Variants in NLRP14 observed in about 807,000 individuals in gnomAD.
NLRP14 encodes NLR family pyrin domain containing 14.
A neutral mutation model predicts 94.7 loss-of-function variants in NLRP14; 105 were observed. The ratio of observed to expected loss-of-function variants is 1.11; its 90% CI spans 0.95 to 1.30. The LOEUF is 1.30. Ranked by LOEUF, NLRP14 falls within the 50% of genes most tolerant of loss-of-function variation. The pLI, the probability that NLRP14 is intolerant of heterozygous loss-of-function variation, is 0.00. For synonymous variants in NLRP14, 508 were observed against 459.9 expected, an observed-to-expected ratio of 1.10 and a Z score of -1.34; for missense variants, 1,362 against 1,254.1, an observed-to-expected ratio of 1.09 and a Z score of -1.30.
At chr11:7,078,501 A>G in the NLRP14 span, among the ~76,000 whole-genome samples, 1 of 149,304 alleles carries the variant, frequency 6.7e-6, no homozygotes, top group Non-Finnish European at 1.5e-5. Context: ...TTTTAAAGAA[A>G]TTAGAGGGCT....
intron 4 of NLRP14, among the ~76,000 whole-genome samples, chr11:7,046,006 A>G (rs7125766): frequency 0.62 from 94,912 of 151,946 alleles, 30,698 homozygotes; most frequent in East Asian, 0.87. Flanking sequence ...GAGCTTATAA[A>G]CACCAGGTTG....
chr11:7,034,093 G>C (rs1198904225), intron 1 of NLRP14, among the ~76,000 whole-genome samples: 2 of 152,218 alleles, frequency 1.3e-5, no homozygotes, highest in Non-Finnish European at 2.9e-5. Context: ...TCAGCGCTCT[G>C]GGAGGTGGGG....
chr11:7,066,923 T>C (rs1225464823), intron 10 of NLRP14, among the ~76,000 whole-genome samples: 1 of 152,226 alleles, frequency 6.6e-6, no homozygotes, highest in Admixed American at 6.5e-5. Context: ...TGCATATGGC[T>C]AGCCAGTTTT....
rs1381686258 is a variant in NLRP14, at chr11:7,038,605, T to C, written c.19T>C (p.Ser7Pro). 1.2e-6 allele frequency: 2 copies of C among 1,613,888 alleles called. No homozygotes were observed. The highest frequency in any genetic ancestry group is 1.7e-6 in the Non-Finnish European group (2 of 1,180,012). Residue 7 changes from serine (S) to proline (P), a missense_variant, in exon 2 of 12, where the codon TCT (serine) becomes CCT (proline). By Grantham distance (74) the Ser-to-Pro change is moderately conservative (BLOSUM62 -1). Transcript: ENST00000299481. Reference sequence around the variant, plus strand: ...GGACAAGATGGCAGATTCATCATCATCTTCTTTCTTTCCTGATTTTGGGCT... The same window carrying C: ...GGACAAGATGGCAGATTCATCATCACCTTCTTTCTTTCCTGATTTTGGGCT... MADSSS[S>P]SFFPDFGLLL...
At position 7,057,818 on chromosome 11, in the gene NLRP14, A is replaced by G; in HGVS notation, c.2433A>G (p.Arg811=). Residue 811 remains arginine (R), a synonymous_variant, in exon 7 of 12, where the codon AGA becomes AGG. Transcript: ENST00000299481. ...DGVQLLCEAL[R]HPKCYLERLS... ...TGCAGCTTTTGTGTGAGGCCTTAAG[A>G]CATCCAAAGTGTTATCTAGAGAGAC... The G allele has an allele frequency of 6.2e-7, 1 of 1,612,504 alleles. No individual in the cohort carries two copies. Among genetic ancestry groups the G allele is most frequent in the Non-Finnish European group, 8.5e-7 (1 of 1,178,676 alleles).
At chr11:7,061,816 A>G (rs1440253728) in intron 9 of NLRP14, among the ~76,000 whole-genome samples, 1 of 152,032 alleles carries the variant, frequency 6.6e-6, no homozygotes, top group African/African-American at 2.4e-5. Flanking sequence ...AGAAAAATGC[A>G]TGTGTATGGT....
intron 10 of NLRP14, among the ~76,000 whole-genome samples, chr11:7,064,815 A>T (rs150079536): frequency 2.3e-3 from 352 of 152,098 alleles, no homozygotes; most frequent in African/African-American, 8.2e-3. Context: ...TAATTTTCCT[A>T]TATACTCTTT....
At chr11:7,064,908 G>A (rs951917703) in intron 10 of NLRP14, among the ~76,000 whole-genome samples, 4 of 151,580 alleles carry the variant, frequency 2.6e-5, no homozygotes, top group African/African-American at 9.7e-5. Flanking sequence ...TTTCATTGGT[G>A]CGTGGATCTG....
At chr11:7,057,511 A>G (rs1255107329) in intron 6 of NLRP14, among the ~76,000 whole-genome samples, 166 bp from the exon 7 acceptor site, 2 of 152,072 alleles carry the variant, frequency 1.3e-5, no homozygotes, top group Non-Finnish European at 2.9e-5. Context: ...TAACTCTGTC[A>G]GAGCCTTATG....
chr11:7,032,818 T>C (rs551700423), intron 1 of NLRP14, among the ~76,000 whole-genome samples: 2 of 152,296 alleles, frequency 1.3e-5, no homozygotes, highest in East Asian at 1.9e-4. Flanking sequence ...TTCAAGACAA[T>C]ATTTTAGTGT....
In NLRP14 at chr11:7,063,392, C is replaced by G. The variant is rs80087818; in HGVS notation, c.2975+889C>G. Among the ~76,000 whole-genome samples, 43 of 152,100 alleles carry G rather than the reference C, an allele frequency of 2.8e-4. 2 individuals are homozygous for G. Among genetic ancestry groups the G allele is most frequent in the Admixed American group, 2.8e-3 (43 of 15,268 alleles). On this transcript the variant is annotated intron_variant, in intron 10 of 11. Transcript: ENST00000299481. Reference sequence around the variant, plus strand: ...GTCTCACAGGGCTGATGAAGAGGGTCCAGATGGATGCCTGCACATGCAACA... The same window carrying G: ...GTCTCACAGGGCTGATGAAGAGGGTGCAGATGGATGCCTGCACATGCAACA...
intron 1 of NLRP14, among the ~76,000 whole-genome samples, chr11:7,024,495 G>A (rs1006285265): frequency 3.3e-5 from 5 of 152,194 alleles, no homozygotes; most frequent in Non-Finnish European, 5.9e-5. Flanking sequence ...ACTTGAATGA[G>A]CTGTGCCTTC....
chr11:7,082,905 C>A, the NLRP14 span, among the ~76,000 whole-genome samples: 1 of 152,206 alleles, frequency 6.6e-6, no homozygotes, highest in African/African-American at 2.4e-5. Flanking sequence ...GGTGAAGGCA[C>A]AATCTGACCC....
At chr11:7,086,923 CAGG>C in the NLRP14 span, among the ~76,000 whole-genome samples, 1 of 152,138 alleles carries the variant, frequency 6.6e-6, no homozygotes, top group Non-Finnish European at 1.5e-5. Flanking sequence ...AGTTAAGAGT[CAGG>C]AGATTTTTTG....
intron 9 of NLRP14, among the ~76,000 whole-genome samples, chr11:7,060,698 C>T (rs942322907): frequency 6.6e-6 from 1 of 151,900 alleles, no homozygotes; most frequent in Non-Finnish European, 1.5e-5. Flanking sequence ...AAACTCCAAC[C>T]ATTTTCATTA....
intron 6 of NLRP14, among the ~76,000 whole-genome samples, chr11:7,053,226 T>C (rs1441104153): frequency 6.6e-6 from 1 of 152,054 alleles, no homozygotes; most frequent in East Asian, 1.9e-4. Context: ...ATCTTTAAAA[T>C]ACCGTATTAC....
chr11:7,038,471 A>C, intron 1 of NLRP14, 95 bp from the exon 2 acceptor site: 1 of 1,037,564 alleles, frequency 9.6e-7, no homozygotes, highest in Non-Finnish European at 1.5e-6. Flanking sequence ...AATGTTTGTT[A>C]AATTAATCTA....
downstream of NLRP14, among the ~76,000 whole-genome samples, chr11:7,074,798 G>C (rs1852853957): frequency 6.6e-6 from 1 of 152,168 alleles, no homozygotes; most frequent in Non-Finnish European, 1.5e-5. Context: ...CGGATCTGAA[G>C]AGGTTTAGTA....
At chr11:7,067,987 T>C (rs1417666070) in intron 10 of NLRP14, among the ~76,000 whole-genome samples, 1 of 152,122 alleles carries the variant, frequency 6.6e-6, no homozygotes, top group African/African-American at 2.4e-5. Context: ...ATTTAGGTTT[T>C]CTCTTTCTCA....
Sources: gnomAD v4.1 joint callset for allele counts (sites outside exome capture counted in the v4.1 genomes callset) on GRCh38, gnomAD v4.1.1 for gene constraint, MANE v1.5 for transcripts, NCBI Gene and HGNC (gene_info 2026-07-23, HGNC 2026-07-21) for gene names.